The following ACER2 variants were observed in gnomAD, a reference collection of about 807,000 sequenced individuals.
ACER2 encodes the protein alkaline ceramidase 2.
ACER2 carries 26 observed loss-of-function variants against 34.7 expected under a neutral mutation model. That is an observed-to-expected ratio of 0.75 (90% CI 0.55 to 1.04). ACER2 has a LOEUF of 1.04. Ranked by LOEUF, ACER2 falls within the 50% of genes least tolerant of loss-of-function variation. The pLI is 0.00. For missense variants in ACER2, 352 were observed against 340.8 expected, an observed-to-expected ratio of 1.03 and a Z score of -0.26; for synonymous variants, 138 against 132.1, an observed-to-expected ratio of 1.04 and a Z score of -0.31.
chr9:19,415,559 T>G (rs1020802734), intron 1 of ACER2, among the ~76,000 whole-genome samples: 2 of 151,968 alleles, frequency 1.3e-5, no homozygotes, highest in Non-Finnish European at 2.9e-5. Flanking sequence ...AAAAAAAGTT[T>G]TACATATCAT....
chr9:19,409,692 C>T (rs891346592), intron 1 of ACER2: 1 of 971,886 alleles, frequency 1.0e-6, no homozygotes, highest in African/African-American at 1.8e-5. Flanking sequence ...TTGCCCCACC[C>T]CCAAGAACAT....
Position 19,444,552 on chromosome 9 carries a change from T to C in ACER2, c.504-1729T>C, listed in dbSNP as rs189063067. Among the ~76,000 whole-genome samples the C allele has an allele frequency of 7.2e-3, 1,100 of 152,330 alleles. 3 individuals are homozygous for C. Among genetic ancestry groups the C allele is most frequent in the Non-Finnish European group, 0.012 (845 of 68,026 alleles). On this transcript the variant is annotated intron_variant, in intron 4 of 5. Coordinates refer to ENST00000340967, the MANE Select transcript of ACER2 (RefSeq NM_001010887.3). ...TTTAAGAAAGTTTACAAATTTGTGT[T>C]GGGCCTCATTCGAAACCATCCTGGT... is the stretch of plus-strand genomic sequence containing the variant.
In ACER2 at chr9:19,412,974, G is replaced by C. The variant is rs954915925; in HGVS notation, c.108+3782G>C. Reference sequence around the variant, plus strand: ...AGTGAATATCCTCATTCATGCATCTGGATGTACTTTCGCAAGCACTAATCT... The same window carrying C: ...AGTGAATATCCTCATTCATGCATCTCGATGTACTTTCGCAAGCACTAATCT... On this transcript the variant is annotated intron_variant, in intron 1 of 5. Coordinates refer to ENST00000340967, the MANE Select transcript of ACER2 (RefSeq NM_001010887.3). Among the ~76,000 whole-genome samples, 7 of 152,140 alleles carry C rather than the reference G, an allele frequency of 4.6e-5. No homozygotes were observed. The South Asian group carries it at 1.4e-3, about 32-fold the overall frequency.
rs1328312081 is a variant in ACER2, at chr9:19,446,277, G to A, written c.504-4G>A. On this transcript the variant is annotated splice_region_variant and splice_polypyrimidine_tract_variant and intron_variant, in intron 4 of 5. Coordinates refer to ENST00000340967, the MANE Select transcript of ACER2 (RefSeq NM_001010887.3). ...GATGAGTGACTCTCTGGACCCCCGTGCAGGTGTGACAACATGCGTGTGTTT... is the reference window on the plus strand; with the variant it reads ...GATGAGTGACTCTCTGGACCCCCGTACAGGTGTGACAACATGCGTGTGTTT... 6.2e-7 allele frequency: 1 copy of A among 1,614,054 alleles called. No individual in the cohort carries two copies. The highest frequency in any genetic ancestry group is 8.5e-7 in the Non-Finnish European group (1 of 1,180,036).
At chr9:19,425,349 A>T (rs554152564) in intron 3 of ACER2, among the ~76,000 whole-genome samples, 3 of 152,350 alleles carry the variant, frequency 2.0e-5, no homozygotes, top group African/African-American at 7.2e-5. Flanking sequence ...ACACACACAT[A>T]CACACTCATA....
chr9:19,425,882 G>C (rs542857328), intron 3 of ACER2, among the ~76,000 whole-genome samples: 29 of 152,332 alleles, frequency 1.9e-4, no homozygotes, highest in African/African-American at 6.7e-4. Context: ...GCCCATGGAA[G>C]AGTTATACCA....
chr9:19,429,903 T>G (rs763241180), intron 3 of ACER2, among the ~76,000 whole-genome samples: 8 of 152,168 alleles, frequency 5.3e-5, no homozygotes, highest in Non-Finnish European at 1.2e-4. Flanking sequence ...GGCTGGCTGT[T>G]CTAAATAGAT....
chr9:19,440,433 G>T lies in ACER2; in HGVS notation c.503+5349G>T, dbSNP rs74684405. On this transcript the variant is annotated intron_variant, in intron 4 of 5. Coordinates refer to ENST00000340967, the MANE Select transcript of ACER2 (RefSeq NM_001010887.3). ...GCCCTTTTGGAAGGTGTTTAAGTCAGTGGGGGTAGAGCCCTCCTACATGGG... is the reference window on the plus strand; with the variant it reads ...GCCCTTTTGGAAGGTGTTTAAGTCATTGGGGGTAGAGCCCTCCTACATGGG... 2.6e-3 allele frequency among the ~76,000 whole-genome samples: 390 copies of T among 152,296 alleles called. 2 individuals carry two copies. Among genetic ancestry groups the T allele is most frequent in the African/African-American group, 9.0e-3 (376 of 41,560 alleles).
chr9:19,409,246 C>A, intron 1 of ACER2, 54 bp downstream of exon 1: 2 of 1,515,468 alleles, frequency 1.3e-6, no homozygotes, highest in South Asian at 1.2e-5. Context: ...GGGGCTGTTC[C>A]CGCGCCGCAG....
intron 3 of ACER2, among the ~76,000 whole-genome samples, chr9:19,426,391 T>TCTCC (rs1554652233): frequency 7.1e-6 from 1 of 140,108 alleles, no homozygotes; most frequent in Non-Finnish European, 1.5e-5. Context: ...TCTCTCTCTC[T>TCTCC]CCTCCTTTCC....
At chr9:19,416,311 G>A (rs1172032026) in intron 1 of ACER2, among the ~76,000 whole-genome samples, 2 of 152,102 alleles carry the variant, frequency 1.3e-5, no homozygotes, top group African/African-American at 4.8e-5. Context: ...CACAGTGGGT[G>A]ATGTGATTCA....
intron 3 of ACER2, among the ~76,000 whole-genome samples, chr9:19,428,236 C>A (rs900723741): frequency 1.3e-5 from 2 of 151,430 alleles, no homozygotes; most frequent in Non-Finnish European, 2.9e-5. Context: ...AGTACGATCT[C>A]GGCTCACTGC....
At chr9:19,447,068 T>C (rs1041017165) in intron 5 of ACER2, among the ~76,000 whole-genome samples, 23 of 151,836 alleles carry the variant, frequency 1.5e-4, no homozygotes, top group African/African-American at 5.6e-4. Flanking sequence ...CAGAATCCGA[T>C]TCTGAGAAAG....
rs544924215 is a variant in ACER2, at chr9:19,436,347, A to T, written c.503+1263A>T. On this transcript the variant is annotated intron_variant, in intron 4 of 5. Transcript: ENST00000340967. Reference sequence around the variant, plus strand: ...TCAAGTAGCTCATATTTTTTTGTAGATAAATTGGAGAATATAGACAAGCAA... The same window carrying T: ...TCAAGTAGCTCATATTTTTTTGTAGTTAAATTGGAGAATATAGACAAGCAA... 5.3e-5 allele frequency among the ~76,000 whole-genome samples: 8 copies of T among 152,300 alleles called. No homozygotes were observed. In the South Asian group the frequency reaches 1.7e-3, roughly 32 times the overall value.
At chr9:19,438,184 C>A (rs76889257) in intron 4 of ACER2, among the ~76,000 whole-genome samples, 1,548 of 152,312 alleles carry the variant, frequency 0.01, 29 homozygotes, top group African/African-American at 0.035. Context: ...TTAGGTCTTA[C>A]TGTCCTTATT....
chr9:19,444,367 A>G (rs913575537), intron 4 of ACER2, among the ~76,000 whole-genome samples: 6 of 151,650 alleles, frequency 4.0e-5, no homozygotes, highest in East Asian at 2.0e-4. Context: ...GCCCGCCACC[A>G]CGCCCGACTA....
At chr9:19,431,862 G>T (rs1194158305) in intron 3 of ACER2, among the ~76,000 whole-genome samples, 3 of 152,218 alleles carry the variant, frequency 2.0e-5, no homozygotes, top group African/African-American at 7.2e-5. Context: ...AATGCCCTTT[G>T]ATTTCTTTAT....
chr9:19,433,653 C>G (rs966643688), intron 3 of ACER2, among the ~76,000 whole-genome samples: 23 of 152,292 alleles, frequency 1.5e-4, no homozygotes, highest in African/African-American at 4.1e-4. Flanking sequence ...CTGGCCCGTT[C>G]TCAATGAGCT....
chr9:19,423,032 CAAAA>C (rs764823366), intron 1 of ACER2, among the ~76,000 whole-genome samples: 1 of 68,950 alleles, frequency 1.5e-5, no homozygotes. Context: ...AACTCTGTCT[CAAAA>C]AAAAAAAAAA....
Sources: allele counts gnomAD v4.1 joint callset (sites outside exome capture counted in the v4.1 genomes callset), GRCh38; gene constraint gnomAD v4.1.1; transcripts MANE v1.5; gene names NCBI Gene and HGNC (gene_info 2026-07-23, HGNC 2026-07-21).